GTF2IRD1: variants seen among roughly 807,000 people sequenced by gnomAD.
GTF2IRD1 encodes GTF2I repeat domain containing 1.
Under a neutral mutation model 113.2 loss-of-function variants are expected in GTF2IRD1, and 26 were observed. The ratio of observed to expected loss-of-function variants is 0.23; its 90% CI spans 0.17 to 0.32. The LOEUF (loss-of-function observed/expected upper bound fraction) is 0.32. Among genes scored for constraint, GTF2IRD1 ranks in the 10% least tolerant of loss-of-function variants. The pLI, the probability that GTF2IRD1 is intolerant of heterozygous loss-of-function variation, is 1.00. For synonymous variants in GTF2IRD1, 484 were observed against 529.1 expected, an observed-to-expected ratio of 0.91 and a Z score of 1.17; for missense variants, 864 against 1,280.8, an observed-to-expected ratio of 0.67 and a Z score of 4.97.
At chr7:74,530,273 C>T (rs1049251885) in intron 9 of GTF2IRD1, among the ~76,000 whole-genome samples, 7 of 151,910 alleles carry the variant, frequency 4.6e-5, no homozygotes, top group East Asian at 1.9e-4. Context: ...GCTTGGGCTC[C>T]GGGTTTTGGG....
Position 74,477,158 on chromosome 7 carries a change from G to A in GTF2IRD1, c.-7+22982G>A, listed in dbSNP as rs563292701. On this transcript the variant is annotated intron_variant, in intron 1 of 26. Transcript: ENST00000424337. ...GAGGGAGGATCACTTGAGGCCAGGA[G>A]TTTGAGACCAGCCTGGCCAACATGG... 2.6e-5 allele frequency among the ~76,000 whole-genome samples: 4 copies of A among 152,210 alleles called. No individual in the cohort carries two copies. The South Asian group carries it at 8.3e-4, about 32-fold the overall frequency.
intron 6 of GTF2IRD1, among the ~76,000 whole-genome samples, chr7:74,520,937 T>C (rs1332051252): frequency 6.6e-6 from 1 of 151,172 alleles, no homozygotes; most frequent in Non-Finnish European, 1.5e-5. Flanking sequence ...TTCGAACTTA[T>C]ACATGTAAAA....
intron 10 of GTF2IRD1, 59 bp from the exon 11 acceptor site, chr7:74,536,108 C>T (rs748740540): frequency 3.3e-4 from 345 of 1,056,480 alleles, no homozygotes; most frequent in Non-Finnish European, 4.7e-4. Flanking sequence ...TACCCAGGGG[C>T]TCTGCAGCAA....
At chr7:74,594,949 C>A in intron 24 of GTF2IRD1, 65 bp from the exon 25 acceptor site, 1 of 1,209,874 alleles carries the variant, frequency 8.3e-7, no homozygotes, top group South Asian at 1.2e-5. Context: ...GAGACTCCAT[C>A]TCAAAAAAAT....
At chr7:74,564,514 G>A (rs1800173943) in intron 22 of GTF2IRD1, among the ~76,000 whole-genome samples, 1 of 152,152 alleles carries the variant, frequency 6.6e-6, no homozygotes, top group African/African-American at 2.4e-5. Flanking sequence ...ATTTTGGGAG[G>A]CCAAGATGGG....
intron 22 of GTF2IRD1, among the ~76,000 whole-genome samples, chr7:74,563,633 C>G (rs1344399033): frequency 6.6e-6 from 1 of 150,556 alleles, no homozygotes; most frequent in African/African-American, 2.4e-5. Flanking sequence ...CCCCTGTAAT[C>G]CTAGCACTTT....
intron 8 of GTF2IRD1, among the ~76,000 whole-genome samples, chr7:74,526,448 CTG>C (rs1398717503): frequency 1.3e-5 from 2 of 152,182 alleles, no homozygotes; most frequent in African/African-American, 4.8e-5. Flanking sequence ...GCCACCAAAT[CTG>C]GGTGAATTGG....
chr7:74,470,252 T>C (rs1194333305), intron 1 of GTF2IRD1, among the ~76,000 whole-genome samples: 1 of 152,166 alleles, frequency 6.6e-6, no homozygotes, highest in African/African-American at 2.4e-5. Context: ...CTCAAAGTGC[T>C]GAGATAGATA....
intron 22 of GTF2IRD1, among the ~76,000 whole-genome samples, chr7:74,589,443 A>G (rs1182700409): frequency 6.6e-6 from 1 of 152,092 alleles, no homozygotes; most frequent in East Asian, 1.9e-4. Flanking sequence ...CACACCTGTA[A>G]TCCCAGCACT....
intron 1 of GTF2IRD1, among the ~76,000 whole-genome samples, chr7:74,484,608 G>T (rs1794918760): frequency 6.6e-6 from 1 of 151,926 alleles, no homozygotes; most frequent in Admixed American, 6.6e-5. Context: ...ACAGGCACCT[G>T]CCACCACAGC....
At chr7:74,522,079 C>T (rs1429903942) in intron 7 of GTF2IRD1, among the ~76,000 whole-genome samples, 1 of 152,076 alleles carries the variant, frequency 6.6e-6, no homozygotes, top group African/African-American at 2.4e-5. Flanking sequence ...TGGTTTCCTC[C>T]AGAGTTATTG....
chr7:74,498,460 C>A (rs756306495), intron 1 of GTF2IRD1, among the ~76,000 whole-genome samples: 3 of 152,070 alleles, frequency 2.0e-5, no homozygotes, highest in Admixed American at 6.6e-5. Context: ...GGTTGTATAT[C>A]TCTAAACCAA....
rs367922372 is a variant in GTF2IRD1 at position 74,480,231 on chromosome 7, T to C, written c.-7+26055T>C. Among the ~76,000 whole-genome samples the C allele has an allele frequency of 3.9e-5, 6 of 152,256 alleles. No individual in the cohort carries two copies. The East Asian group carries it at 9.6e-4, about 24-fold the overall frequency. ...CCTTCAAGGGCAGGAGCACCTGCTG[T>C]TGGGCCCTGTGCGGTGTGGGACACA... On this transcript the variant is annotated intron_variant, in intron 1 of 26. Transcript: ENST00000424337.
At chr7:74,483,784 G>A (rs1194263024) in intron 1 of GTF2IRD1, among the ~76,000 whole-genome samples, 1 of 151,730 alleles carries the variant, frequency 6.6e-6, no homozygotes, top group Non-Finnish European at 1.5e-5. Flanking sequence ...GAGTCCAGGA[G>A]TTTGAGGGTG....
intron 22 of GTF2IRD1, among the ~76,000 whole-genome samples, chr7:74,585,376 G>T (rs1177859337): frequency 6.6e-6 from 1 of 152,058 alleles, no homozygotes; most frequent in Admixed American, 6.6e-5. Flanking sequence ...GCCTCTGAGA[G>T]TGCTGGGATT....
chr7:74,491,268 T>G (rs958182610), intron 1 of GTF2IRD1, among the ~76,000 whole-genome samples: 8 of 150,438 alleles, frequency 5.3e-5, no homozygotes, highest in Middle Eastern at 3.2e-3. Context: ...ATCCCACTGC[T>G]GCACTCCAGC....
At chr7:74,471,684 AAAAAACAAAAAAAAAAAC>A (rs1794104212) in intron 1 of GTF2IRD1, among the ~76,000 whole-genome samples, 3 of 71,674 alleles carry the variant, frequency 4.2e-5, no homozygotes, top group Admixed American at 1.8e-4. Flanking sequence ...AAAAAAAAAA[AAAAAACAAAAAAAAAAAC>A]AAAAAAAACG....
chr7:74,454,491 G>C (rs1275453830), intron 1 of GTF2IRD1, among the ~76,000 whole-genome samples: 1 of 152,096 alleles, frequency 6.6e-6, no homozygotes, highest in Non-Finnish European at 1.5e-5. Context: ...GCGCCCGCAG[G>C]CTGCTGCAGT....
At position 74,511,086 on chromosome 7, in the gene GTF2IRD1, T is replaced by C. The variant is rs77172444; in HGVS notation, c.124-1744T>C. ...AAAAAGTTCTACTTGGCAGCAGTGG[T>C]CTAGTGAGTGTTTCAGAGCCTCCTT... is the stretch of plus-strand genomic sequence containing the variant. On this transcript the variant is annotated intron_variant, in intron 2 of 26. Transcript: ENST00000424337. Among the ~76,000 whole-genome samples the C allele has an allele frequency of 0.031, 4,680 of 150,604 alleles. 431 individuals are homozygous for C. In the East Asian group the frequency reaches 0.36, roughly 11 times the overall value.
Sources: allele counts gnomAD v4.1 joint callset (sites outside exome capture counted in the v4.1 genomes callset), GRCh38; gene constraint gnomAD v4.1.1; transcripts MANE v1.5; gene names NCBI Gene and HGNC (gene_info 2026-07-23, HGNC 2026-07-21).